SAMMSON: variants seen among roughly 807,000 people sequenced by gnomAD.
SAMMSON encodes the protein long intergenic non-protein coding RNA 1212.
intron 7 of SAMMSON, among the ~76,000 whole-genome samples, chr3:70,326,559 G>A (rs569506333): frequency 1.5e-3 from 222 of 152,178 alleles, no homozygotes; most frequent in Non-Finnish European, 2.7e-3. Context: ...CATAGCCCTC[G>A]GCATGAATTT....
chr3:70,126,183 T>C (rs2067457715), intron 4 of SAMMSON: 1 of 1,146,446 alleles, frequency 8.7e-7, no homozygotes, highest in Admixed American at 2.0e-5. Flanking sequence ...CATGGTTTGG[T>C]GTAATTACAT....
intron 4 of SAMMSON, among the ~76,000 whole-genome samples, chr3:70,098,672 T>G (rs2067332048): frequency 6.6e-6 from 1 of 152,100 alleles, no homozygotes; most frequent in African/African-American, 2.4e-5. Context: ...CGGCCTCTTT[T>G]TCATTTCTAA....
intron 9 of SAMMSON, among the ~76,000 whole-genome samples, chr3:70,364,906 T>C (rs1463830975): frequency 1.3e-5 from 2 of 151,792 alleles, no homozygotes; most frequent in Admixed American, 1.3e-4. Context: ...TCATGTTCGT[T>C]TCTACTATAA....
At chr3:70,098,365 CTTT>C (rs1559790606) in intron 4 of SAMMSON, among the ~76,000 whole-genome samples, 8 of 151,936 alleles carry the variant, frequency 5.3e-5, no homozygotes, top group Non-Finnish European at 8.8e-5. Flanking sequence ...CTCTCTTTTT[CTTT>C]TTTCTTTCTT....
intron 9 of SAMMSON, among the ~76,000 whole-genome samples, chr3:70,379,420 G>A (rs1225553657): frequency 2.0e-5 from 3 of 152,108 alleles, no homozygotes; most frequent in Admixed American, 1.3e-4. Context: ...GAAAAGCAGC[G>A]CTCCTGGGAT....
chr3:70,112,598 C>T (rs572447527), intron 4 of SAMMSON, among the ~76,000 whole-genome samples: 131 of 152,178 alleles, frequency 8.6e-4, no homozygotes, highest in African/African-American at 3.0e-3. Flanking sequence ...CCTAATGCCA[C>T]GGATGTATAG....
intron 2 of SAMMSON, among the ~76,000 whole-genome samples, chr3:70,013,339 G>C (rs1442514285): frequency 1.3e-5 from 2 of 152,098 alleles, no homozygotes; most frequent in Non-Finnish European, 2.9e-5. Context: ...GTTGTTATGA[G>C]GAGTAAAATC....
At chr3:70,287,430 C>G (rs1702177881) in intron 6 of SAMMSON, among the ~76,000 whole-genome samples, 1 of 151,592 alleles carries the variant, frequency 6.6e-6, no homozygotes, top group Admixed American at 6.6e-5. Context: ...GGTGGATAAA[C>G]TTTTTGATGT....
intron 6 of SAMMSON, among the ~76,000 whole-genome samples, chr3:70,268,498 C>A (rs980570457): frequency 7.1e-4 from 87 of 123,242 alleles, no homozygotes; most frequent in African/African-American, 2.7e-3. Context: ...AAAAAAAAAT[C>A]CCCACCAGAA....
intron 6 of SAMMSON, among the ~76,000 whole-genome samples, chr3:70,287,861 A>C (rs1286413663): frequency 6.6e-6 from 1 of 151,946 alleles, no homozygotes; most frequent in Non-Finnish European, 1.5e-5. Flanking sequence ...TGTTTGTAGT[A>C]TTCTCTGATG....
chr3:70,081,718 A>C (rs9840427), intron 4 of SAMMSON, among the ~76,000 whole-genome samples: 3,366 of 152,340 alleles, frequency 0.022, 118 homozygotes, highest in African/African-American at 0.075. Context: ...TTTCACTGGC[A>C]AAGAGCTTCT....
chr3:70,200,562 C>A (rs186590672), intron 4 of SAMMSON, among the ~76,000 whole-genome samples: 63 of 152,286 alleles, frequency 4.1e-4, no homozygotes, highest in Non-Finnish European at 8.2e-4. Flanking sequence ...GCTTTAAACA[C>A]CTTCCCTTTA....
At chr3:70,171,153 AT>A (rs554472556) in intron 4 of SAMMSON, among the ~76,000 whole-genome samples, 1 of 151,646 alleles carries the variant, frequency 6.6e-6, no homozygotes, top group Non-Finnish European at 1.5e-5. Context: ...CATACACAAC[AT>A]TTTTTTTAAT....
At chr3:70,378,145 A>T (rs1041677370) in intron 9 of SAMMSON, among the ~76,000 whole-genome samples, 9 of 151,092 alleles carry the variant, frequency 6.0e-5, no homozygotes, top group Admixed American at 2.0e-4. Context: ...TTTATATATA[A>T]TTTAGTTATA....
intron 9 of SAMMSON, among the ~76,000 whole-genome samples, chr3:70,379,706 G>A (rs769719830): frequency 2.6e-5 from 4 of 152,054 alleles, no homozygotes; most frequent in Non-Finnish European, 4.4e-5. Flanking sequence ...AGCTTTCCCA[G>A]CAGCTTAGCA....
At chr3:70,399,239 A>T (rs1470443540) in intron 2 of SAMMSON, among the ~76,000 whole-genome samples, 1 of 152,142 alleles carries the variant, frequency 6.6e-6, no homozygotes, top group Non-Finnish European at 1.5e-5. Flanking sequence ...TTGTAATAGG[A>T]CACACTAGTG....
rs71126477 is a variant in SAMMSON at position 70,051,134 on chromosome 3, C to CA, written n.418-20316dup. 6.1e-3 allele frequency among the ~76,000 whole-genome samples: 274 copies of CA among 45,210 alleles called. 8 individuals carry two copies. Among genetic ancestry groups the CA allele is most frequent in the Non-Finnish European group, 8.0e-3 (197 of 24,736 alleles). The allele number at this position is 45,210 out of a possible 152,430, so 29.7% of individuals were successfully genotyped here. On this transcript the variant is annotated intron_variant and non_coding_transcript_variant, in intron 3 of 9. Coordinates refer to ENST00000642114, the Ensembl canonical transcript of SAMMSON. ...TGGGCCACAGAGTGATACTCCATCT[C>CA]AAAAAAAAAAAAAAAAAAAAAAAAA...
intron 9 of SAMMSON, among the ~76,000 whole-genome samples, chr3:70,361,720 C>A (rs1270435127): frequency 6.6e-6 from 1 of 152,140 alleles, no homozygotes; most frequent in Admixed American, 6.5e-5. Context: ...TTAGCGTCAC[C>A]AACACATTTA....
intron 3 of SAMMSON, among the ~76,000 whole-genome samples, chr3:70,044,674 A>T (rs1181074133): frequency 6.6e-6 from 1 of 151,918 alleles, no homozygotes; most frequent in Non-Finnish European, 1.5e-5. Flanking sequence ...TTACTGTGTA[A>T]CACACACATG....
Sources: allele counts gnomAD v4.1 joint callset (sites outside exome capture counted in the v4.1 genomes callset), GRCh38; gene constraint gnomAD v4.1.1; transcripts MANE v1.5; gene names NCBI Gene and HGNC (gene_info 2026-07-23, HGNC 2026-07-21).